The following CCDC28A variants were observed in gnomAD, a reference collection of about 807,000 sequenced individuals.
CCDC28A encodes coiled-coil domain containing 28A.
CCDC28A carries 24 observed loss-of-function variants against 22.1 expected under a neutral mutation model. The observed-to-expected ratio is 1.09, with a 90% CI of 0.79 to 1.53. The LOEUF is 1.53. Ranked by LOEUF, CCDC28A falls within the 40% of genes most tolerant of loss-of-function variation. CCDC28A has a pLI of 0.00. For missense variants in CCDC28A, 170 were observed against 210.7 expected (o/e 0.81, Z 1.20); for synonymous variants, 83 against 74.7 (o/e 1.11, Z -0.57).
intron 5 of CCDC28A, among the ~76,000 whole-genome samples, chr6:138,791,836 G>A (rs974572126): frequency 6.6e-6 from 1 of 152,184 alleles, no homozygotes; most frequent in African/African-American, 2.4e-5. Flanking sequence ...TGTCTTTGAT[G>A]GCAGTGCTTA....
chr6:138,788,965 A>G (rs1775132687), intron 5 of CCDC28A, among the ~76,000 whole-genome samples: 1 of 152,162 alleles, frequency 6.6e-6, no homozygotes. Context: ...ACTTAATATC[A>G]TCACATAGGA....
intron 3 of CCDC28A, among the ~76,000 whole-genome samples, chr6:138,781,344 G>T (rs529314551): frequency 1.6e-3 from 242 of 152,124 alleles, no homozygotes; most frequent in African/African-American, 5.4e-3. Flanking sequence ...TTCTCATTTT[G>T]AGCCACCAAA....
In CCDC28A at chr6:138,785,334, A is replaced by T; in HGVS notation, c.430A>T (p.Lys144Ter). The T allele has an allele frequency of 6.2e-7, 1 of 1,613,602 alleles. No individual in the cohort carries two copies. Among genetic ancestry groups the T allele is most frequent in the Non-Finnish European group, 8.5e-7 (1 of 1,179,508 alleles). ...YGELEELPED[K>*]RKTASDSNLD... is the part of the protein sequence containing the mutation. ...GGAGTTAGAGGAACTTCCTGAGGAT[A>T]AGAGAAAAACAGCCAGTGACTCCAA... The change falls in exon 4 of 6, where the codon AAG (lysine) becomes TAG (stop). Residue 144 changes from lysine (K) to a stop codon, truncating the protein, a stop_gained. Coordinates refer to ENST00000617445, the MANE Select transcript of CCDC28A (RefSeq NM_015439.3). LOFTEE classifies it high-confidence loss of function.
rs373972930 is a variant in CCDC28A, at chr6:138,779,881, C to T, written c.218C>T (p.Pro73Leu). ...GGEGKGAQSTPIQHSFLTDVS... is the reference protein window; with the variant it reads ...GGEGKGAQSTLIQHSFLTDVS... ...GAGGGCAAAGGCGCTCAGTCAACTCCGATCCAGCACTCCTTCCTCACTGAT... is the reference window on the plus strand; with the variant it reads ...GAGGGCAAAGGCGCTCAGTCAACTCTGATCCAGCACTCCTTCCTCACTGAT... The change falls in exon 3 of 6, where the codon CCG becomes CTG. Residue 73 changes from proline (P) to leucine (L), a missense_variant. By Grantham distance (98) the Pro-to-Leu change is moderately conservative (BLOSUM62 -3). Transcript: ENST00000617445. 1.7e-5 allele frequency: 28 copies of T among 1,613,634 alleles called. No individual in the cohort carries two copies. The highest frequency in any genetic ancestry group is 4.5e-5 in the East Asian group (2 of 44,874).
intron 1 of CCDC28A, among the ~76,000 whole-genome samples, chr6:138,775,820 A>C (rs1015465924): frequency 6.6e-6 from 1 of 152,212 alleles, no homozygotes; most frequent in Non-Finnish European, 1.5e-5. Flanking sequence ...TGTGGAAGAG[A>C]ATCAGTAAAT....
chr6:138,788,110 G>A (rs1022415160), intron 4 of CCDC28A, among the ~76,000 whole-genome samples: 2 of 150,904 alleles, frequency 1.3e-5, no homozygotes, highest in Admixed American at 6.6e-5. Flanking sequence ...TCACGTGTGC[G>A]TCACCACGCC....
At chr6:138,775,207 G>A (rs1774910548) in intron 1 of CCDC28A, among the ~76,000 whole-genome samples, 1 of 152,212 alleles carries the variant, frequency 6.6e-6, no homozygotes, top group Admixed American at 6.5e-5. Context: ...CCAAAGTGCT[G>A]GGATTACAGG....
chr6:138,773,988 G>A (rs1774885868), intron 1 of CCDC28A, 86 bp downstream of exon 1: 1 of 1,503,292 alleles, frequency 6.7e-7, no homozygotes, highest in Non-Finnish European at 9.1e-7. Flanking sequence ...ACTGGGCGGT[G>A]AAGGGTCATC....
At chr6:138,785,095 A>G in intron 3 of CCDC28A, 132 bp from the exon 4 acceptor site, 1 of 539,538 alleles carries the variant, frequency 1.9e-6, no homozygotes, top group Non-Finnish European at 3.1e-6. Flanking sequence ...CACAGAAAAT[A>G]TTAATGATTA....
chr6:138,780,655 A>T, intron 3 of CCDC28A, among the ~76,000 whole-genome samples: 1 of 149,206 alleles, frequency 6.7e-6, no homozygotes, highest in South Asian at 2.1e-4. Flanking sequence ...GCTCACTGCA[A>T]CCTCCACCTC....
Position 138,785,226 on chromosome 6 carries a change from G to A in CCDC28A, c.323-1G>A. 6.2e-7 allele frequency: 1 copy of A among 1,611,644 alleles called. No individual in the cohort carries two copies. The highest frequency in any genetic ancestry group is 8.5e-7 in the Non-Finnish European group (1 of 1,178,206). On this transcript the variant is annotated splice_acceptor_variant, in intron 3 of 5. Transcript: ENST00000617445. LOFTEE classifies it high-confidence loss of function. ...TATTAATGTTCTGGAATGTTCCCAAGGAAATGAATGTTCCATTGAACAGAT... is the reference window on the plus strand; with the variant it reads ...TATTAATGTTCTGGAATGTTCCCAAAGAAATGAATGTTCCATTGAACAGAT...
intron 4 of CCDC28A, among the ~76,000 whole-genome samples, chr6:138,786,613 A>T (rs1458310100): frequency 6.6e-6 from 1 of 151,980 alleles, no homozygotes; most frequent in African/African-American, 2.4e-5. Flanking sequence ...TTCCATTTAC[A>T]GTTCATGGTT....
intron 2 of CCDC28A, among the ~76,000 whole-genome samples, chr6:138,779,072 GAAGCATTTTTAATT>G (rs1199354957): frequency 3.3e-5 from 5 of 152,166 alleles, no homozygotes; most frequent in Admixed American, 6.5e-5. Context: ...CCGGCCTACT[GAAGCATTTTTAATT>G]AAGCAAATTG....
At chr6:138,786,258 G>A (rs1775093134) in intron 4 of CCDC28A, among the ~76,000 whole-genome samples, 1 of 152,128 alleles carries the variant, frequency 6.6e-6, no homozygotes, top group African/African-American at 2.4e-5. Context: ...TAAAACCCCT[G>A]TCTTCAAATC....
intron 4 of CCDC28A, among the ~76,000 whole-genome samples, chr6:138,785,886 T>C (rs1775087744): frequency 6.6e-6 from 1 of 152,224 alleles, no homozygotes; most frequent in Non-Finnish European, 1.5e-5. Context: ...TTTCCTGATA[T>C]GATTAATACA....
At chr6:138,782,628 A>T (rs1775037190) in intron 3 of CCDC28A, among the ~76,000 whole-genome samples, 1 of 152,158 alleles carries the variant, frequency 6.6e-6, no homozygotes, top group Non-Finnish European at 1.5e-5. Context: ...ACATACATAC[A>T]CACAAACACG....
At chr6:138,789,023 C>T (rs972630069) in intron 5 of CCDC28A, among the ~76,000 whole-genome samples, 5 of 151,862 alleles carry the variant, frequency 3.3e-5, no homozygotes, top group South Asian at 2.1e-4. Context: ...ATGCAGGCTT[C>T]GAGGGATGCT....
At position 138,776,286 on chromosome 6, in the gene CCDC28A, C is replaced by T. The variant is rs373859329; in HGVS notation, c.158+8C>T. On this transcript the variant is annotated splice_region_variant and intron_variant, in intron 2 of 5. Transcript: ENST00000617445. ...GCGACCAAAGTTAAAAAGGTGAATT[C>T]TTTTATTTTACATGTTCACAGTAAA... The T allele has an allele frequency of 8.7e-6, 14 of 1,603,144 alleles. No homozygotes were observed. Among genetic ancestry groups the T allele is most frequent in the African/African-American group, 1.3e-5 (1 of 74,716 alleles).
At position 138,779,994 on chromosome 6, in the gene CCDC28A, T is replaced by C. The variant is rs774481047; in HGVS notation, c.322+9T>C. The C allele has an allele frequency of 1.9e-6, 3 of 1,595,676 alleles. No individual in the cohort carries two copies. Among genetic ancestry groups the C allele is most frequent in the Admixed American group, 3.5e-5 (2 of 56,676 alleles). ...AAAACTTCAAGCATTTGGTAAGCAA[T>C]AGATGTTTCTGTATTATTTTTTTCT... On this transcript the variant is annotated intron_variant, in intron 3 of 5. Coordinates refer to ENST00000617445, the MANE Select transcript of CCDC28A (RefSeq NM_015439.3).
Sources: allele counts gnomAD v4.1 joint callset (sites outside exome capture counted in the v4.1 genomes callset), GRCh38; gene constraint gnomAD v4.1.1; transcripts MANE v1.5; gene names NCBI Gene and HGNC (gene_info 2026-07-23, HGNC 2026-07-21).